SUPT3H: variants seen among roughly 807,000 people sequenced by gnomAD.
SUPT3H encodes transcription initiation protein SPT3 homolog.
SUPT3H carries 44 observed loss-of-function variants against 44.3 expected under a neutral mutation model. That is an observed-to-expected ratio of 0.99 (90% confidence interval 0.78 to 1.28). The LOEUF (loss-of-function observed/expected upper bound fraction) is 1.28. Among genes scored for constraint, SUPT3H ranks in the 50% most tolerant of loss-of-function variants. SUPT3H has a pLI of 0.00. For synonymous variants in SUPT3H, 124 were observed against 125.6 expected (o/e 0.99, Z 0.09); for missense variants, 380 against 387.1 (o/e 0.98, Z 0.15).
chr6:45,055,658 T>C (rs1437073876), intron 3 of SUPT3H, among the ~76,000 whole-genome samples: 6 of 152,170 alleles, frequency 3.9e-5, no homozygotes, highest in Admixed American at 1.3e-4. Flanking sequence ...TCTTACCTTA[T>C]ACAAAAATCA....
intron 10 of SUPT3H, among the ~76,000 whole-genome samples, chr6:44,856,143 T>C (rs1021173689): frequency 2.6e-5 from 4 of 152,230 alleles, no homozygotes; most frequent in Admixed American, 2.6e-4. Flanking sequence ...AGAAAACCGC[T>C]TGTACTCAGT....
intron 3 of SUPT3H, among the ~76,000 whole-genome samples, chr6:45,050,392 A>G (rs531698336): frequency 6.6e-6 from 1 of 152,202 alleles, no homozygotes; most frequent in South Asian, 2.1e-4. Context: ...GAATATTTGC[A>G]TAACACAATT....
chr6:44,951,906 A>C (rs557587072), intron 9 of SUPT3H, among the ~76,000 whole-genome samples: 3 of 152,248 alleles, frequency 2.0e-5, no homozygotes, highest in Non-Finnish European at 2.9e-5. Context: ...TAAAGTGAAC[A>C]AACATCAAAG....
At chr6:45,240,522 T>G (rs1248962171) in intron 2 of SUPT3H, among the ~76,000 whole-genome samples, 1 of 152,334 alleles carries the variant, frequency 6.6e-6, no homozygotes, top group East Asian at 1.9e-4. Flanking sequence ...CTCAAAAACC[T>G]ATCTGTAAAC....
At chr6:45,190,842 A>G (rs987040913) in intron 2 of SUPT3H, among the ~76,000 whole-genome samples, 7 of 152,108 alleles carry the variant, frequency 4.6e-5, no homozygotes, top group African/African-American at 1.7e-4. Flanking sequence ...GATGCTCAAC[A>G]TATGTCATTA....
chr6:45,028,896 C>CA (rs57234806), intron 3 of SUPT3H, among the ~76,000 whole-genome samples: 107 of 71,002 alleles, frequency 1.5e-3, no homozygotes, highest in Non-Finnish European at 2.2e-3. Flanking sequence ...AAACAGTTGC[C>CA]AAAAAAAAAA....
At chr6:45,307,049 A>T (rs1001019187) in intron 2 of SUPT3H, among the ~76,000 whole-genome samples, 6 of 152,204 alleles carry the variant, frequency 3.9e-5, no homozygotes, top group Admixed American at 6.5e-5. Flanking sequence ...ATCAAACTGC[A>T]AGGCGGCAGC....
intron 10 of SUPT3H, among the ~76,000 whole-genome samples, chr6:44,889,245 T>C (rs1762862483): frequency 6.6e-6 from 1 of 152,174 alleles, no homozygotes; most frequent in South Asian, 2.1e-4. Flanking sequence ...ATGACTTTCT[T>C]CACAGAATTG....
intron 2 of SUPT3H, among the ~76,000 whole-genome samples, chr6:45,112,962 C>CTTTT (rs11330704): frequency 7.2e-6 from 1 of 138,366 alleles, no homozygotes; most frequent in Non-Finnish European, 1.6e-5. Context: ...GAGCTAGTCA[C>CTTTT]TTTTTTTTTT....
At chr6:45,220,812 T>G (rs573829969) in intron 2 of SUPT3H, among the ~76,000 whole-genome samples, 7 of 152,196 alleles carry the variant, frequency 4.6e-5, no homozygotes, top group Non-Finnish European at 8.8e-5. Context: ...GAAGATAGTG[T>G]GGCGATTCCT....
intron 10 of SUPT3H, among the ~76,000 whole-genome samples, chr6:44,890,347 T>C (rs1377033476): frequency 1.3e-5 from 2 of 151,398 alleles, no homozygotes; most frequent in Non-Finnish European, 2.9e-5. Flanking sequence ...TAGCAAAGAC[T>C]TGGAACCAAC....
intron 3 of SUPT3H, among the ~76,000 whole-genome samples, chr6:45,030,260 A>G (rs1018962202): frequency 6.6e-6 from 1 of 152,166 alleles, no homozygotes; most frequent in East Asian, 1.9e-4. Context: ...AAAAGGTTAC[A>G]TTTGCATTTC....
chr6:44,925,225 G>A (rs1034144370), intron 10 of SUPT3H, among the ~76,000 whole-genome samples: 2 of 152,030 alleles, frequency 1.3e-5, no homozygotes, highest in African/African-American at 2.4e-5. Context: ...TGGATTCTAG[G>A]GTTAGTTCTG....
At chr6:44,909,970 G>C (rs191738264) in intron 10 of SUPT3H, among the ~76,000 whole-genome samples, 1 of 152,270 alleles carries the variant, frequency 6.6e-6, no homozygotes, top group African/African-American at 2.4e-5. Context: ...TAGCGCTTTT[G>C]GAAAGTATTT....
chr6:44,989,801 T>C (rs918320332), intron 6 of SUPT3H, among the ~76,000 whole-genome samples: 1 of 152,118 alleles, frequency 6.6e-6, no homozygotes, highest in Non-Finnish European at 1.5e-5. Flanking sequence ...TATGTCTTCT[T>C]TGGAAAAATG....
intron 10 of SUPT3H, among the ~76,000 whole-genome samples, chr6:44,927,444 G>A (rs72865937): frequency 0.017 from 2,586 of 152,206 alleles, 37 homozygotes; most frequent in South Asian, 0.042. Flanking sequence ...ATTAAAAAAT[G>A]TATCAACTTT....
chr6:44,969,867 A>G (rs187605167), intron 6 of SUPT3H, among the ~76,000 whole-genome samples: 2 of 152,220 alleles, frequency 1.3e-5, no homozygotes, highest in Admixed American at 1.3e-4. Context: ...CCAAGGTATT[A>G]AGAATGTCTT....
intron 10 of SUPT3H, among the ~76,000 whole-genome samples, chr6:44,837,444 G>C (rs1770125760): frequency 6.6e-6 from 1 of 152,202 alleles, no homozygotes; most frequent in Non-Finnish European, 1.5e-5. Context: ...CTCATCATTA[G>C]AGCAGGGGCT....
chr6:44,942,594 A>C (rs1024274192), intron 9 of SUPT3H, among the ~76,000 whole-genome samples: 5 of 152,182 alleles, frequency 3.3e-5, no homozygotes, highest in African/African-American at 1.2e-4. Flanking sequence ...AATTTTACCC[A>C]AATATTTTTT....
Sources: gnomAD v4.1 joint callset for allele counts (sites outside exome capture counted in the v4.1 genomes callset) on GRCh38, gnomAD v4.1.1 for gene constraint, MANE v1.5 for transcripts, NCBI Gene and HGNC (gene_info 2026-07-23, HGNC 2026-07-21) for gene names.